Variants in CAMK2D observed in about 807,000 individuals in gnomAD.
CAMK2D encodes calcium/calmodulin-dependent protein kinase type II subunit delta.
Under a neutral mutation model 84.0 loss-of-function variants are expected in CAMK2D, and 37 were observed. The observed-to-expected ratio is 0.44, with a 90% CI of 0.34 to 0.58. The LOEUF is 0.58. CAMK2D is among the 20% of genes least tolerant of loss of function. The pLI, the probability that CAMK2D is intolerant of heterozygous loss-of-function variation, is 0.02. For missense variants in CAMK2D, 448 were observed against 652.5 expected (o/e 0.69, Z 3.41); for synonymous variants, 202 against 212.5 (o/e 0.95, Z 0.43).
intron 3 of CAMK2D, among the ~76,000 whole-genome samples, chr4:113,621,930 C>T (rs1375729856): frequency 6.6e-6 from 1 of 152,160 alleles, no homozygotes; most frequent in Non-Finnish European, 1.5e-5. Context: ...TAGGTTTTAA[C>T]TAAATGAACT....
intron 4 of CAMK2D, among the ~76,000 whole-genome samples, chr4:113,565,085 C>T (rs1413588346): frequency 6.6e-6 from 1 of 152,130 alleles, no homozygotes; most frequent in Non-Finnish European, 1.5e-5. Context: ...TAACATTTAA[C>T]CACAGGATGT....
intron 4 of CAMK2D, among the ~76,000 whole-genome samples, chr4:113,607,851 C>T (rs562227395): frequency 3.3e-5 from 5 of 152,306 alleles, no homozygotes; most frequent in Admixed American, 2.6e-4. Flanking sequence ...TTCTTAATAA[C>T]AAAATCACAA....
At chr4:113,548,036 G>C (rs1241064954) in intron 5 of CAMK2D, among the ~76,000 whole-genome samples, 1 of 152,122 alleles carries the variant, frequency 6.6e-6, no homozygotes. Flanking sequence ...AATCTTTATA[G>C]CTGTGGTGTT....
intron 20 of CAMK2D, 53 bp from the exon 21 acceptor site, chr4:113,454,568 C>T (rs371028503): frequency 5.2e-6 from 4 of 772,796 alleles, no homozygotes; most frequent in African/African-American, 3.4e-5. Context: ...TACAAAATAT[C>T]ATCAAATTGC....
chr4:113,642,466 C>G (rs1257442419), intron 3 of CAMK2D, among the ~76,000 whole-genome samples: 1 of 152,200 alleles, frequency 6.6e-6, no homozygotes, highest in Non-Finnish European at 1.5e-5. Flanking sequence ...GTCCACTCAC[C>G]TCCATTCCCT....
chr4:113,672,656 T>C (rs956111239), intron 2 of CAMK2D, among the ~76,000 whole-genome samples: 2 of 151,818 alleles, frequency 1.3e-5, no homozygotes, highest in East Asian at 1.9e-4. Flanking sequence ...ATCTTGCATC[T>C]ATATATTTTA....
At chr4:113,677,904 G>A (rs2099325415) in intron 2 of CAMK2D, among the ~76,000 whole-genome samples, 1 of 151,978 alleles carries the variant, frequency 6.6e-6, no homozygotes, top group Admixed American at 6.6e-5. Context: ...GCATAGGATA[G>A]TATCTAGTAG....
intron 3 of CAMK2D, among the ~76,000 whole-genome samples, chr4:113,643,234 TA>T (rs59899738): frequency 0.084 from 12,772 of 152,222 alleles, 1,550 homozygotes; most frequent in African/African-American, 0.27. Context: ...TAGAAAGGGA[TA>T]ATTCTGTCTT....
chr4:113,454,102 A>AC lies in CAMK2D; in HGVS notation c.*442_*443insG, dbSNP rs2097277270. ...TTTTTACCTTAAAAAAAAAAAAAAA[A>AC]ACCAAACAAACCAAAACAGATTAAC... On this transcript the variant is annotated 3_prime_UTR_variant, in exon 21 of 21. Transcript: ENST00000511664. 2 of 153,040 alleles carry AC rather than the reference A, an allele frequency of 1.3e-5. No homozygotes were observed. The highest frequency in any genetic ancestry group is 2.1e-4 in the South Asian group (1 of 4,818). The allele number at this position is 153,040 out of a possible 1,614,324, so 9.5% of individuals were successfully genotyped here.
chr4:113,690,303 C>A (rs1223078234), intron 2 of CAMK2D, among the ~76,000 whole-genome samples: 1 of 152,044 alleles, frequency 6.6e-6, no homozygotes, highest in Non-Finnish European at 1.5e-5. Flanking sequence ...GTCACAGGTC[C>A]ATAACTTCTA....
At chr4:113,474,607 C>T (rs545653584) in intron 16 of CAMK2D, among the ~76,000 whole-genome samples, 49 of 139,624 alleles carry the variant, frequency 3.5e-4, no homozygotes, top group Middle Eastern at 4.1e-3. Flanking sequence ...TTAGTCAAAA[C>T]GGAGCATATA....
intron 2 of CAMK2D, among the ~76,000 whole-genome samples, chr4:113,735,042 C>T (rs1344356940): frequency 6.6e-6 from 1 of 151,524 alleles, no homozygotes; most frequent in Non-Finnish European, 1.5e-5. Flanking sequence ...AAGTAAAACA[C>T]ACACAAACAA....
chr4:113,735,289 GAAAAAAAAAAA>G (rs769117708), intron 2 of CAMK2D, among the ~76,000 whole-genome samples: 181 of 44,752 alleles, frequency 4.0e-3, no homozygotes, highest in African/African-American at 1.0e-2. Context: ...ATCTCTACAG[GAAAAAAAAAAA>G]AAAAAAAAAA....
intron 2 of CAMK2D, among the ~76,000 whole-genome samples, chr4:113,738,644 T>C (rs1417381634): frequency 6.6e-6 from 1 of 152,108 alleles, no homozygotes; most frequent in African/African-American, 2.4e-5. Context: ...TGTCTATATA[T>C]GTATATATCT....
chr4:113,536,815 T>C (rs1275877776), intron 7 of CAMK2D, among the ~76,000 whole-genome samples: 1 of 152,220 alleles, frequency 6.6e-6, no homozygotes, highest in Non-Finnish European at 1.5e-5. Context: ...TCAGAATTTT[T>C]GAGAGGAAAC....
chr4:113,499,385 G>A (rs1017167397), intron 16 of CAMK2D, among the ~76,000 whole-genome samples: 5 of 152,282 alleles, frequency 3.3e-5, no homozygotes, highest in African/African-American at 1.2e-4. Context: ...AACAGCATCA[G>A]CTGTTCTATT....
chr4:113,486,335 G>A (rs944091927), intron 16 of CAMK2D, among the ~76,000 whole-genome samples: 2 of 151,912 alleles, frequency 1.3e-5, no homozygotes, highest in African/African-American at 4.8e-5. Context: ...ATATTGCCGA[G>A]GCTGGTCTCA....
chr4:113,740,591 C>G (rs2099590642), intron 2 of CAMK2D, among the ~76,000 whole-genome samples: 2 of 151,990 alleles, frequency 1.3e-5, no homozygotes, highest in Non-Finnish European at 2.9e-5. Context: ...TTAGTATACT[C>G]TACTTTTCCC....
chr4:113,730,335 A>G (rs2099562407), intron 2 of CAMK2D, among the ~76,000 whole-genome samples: 1 of 152,190 alleles, frequency 6.6e-6, no homozygotes, highest in South Asian at 2.1e-4. Flanking sequence ...AGTTTCTTCA[A>G]AATAATATGA....
Sources: gnomAD v4.1 joint callset for allele counts (sites outside exome capture counted in the v4.1 genomes callset) on GRCh38, gnomAD v4.1.1 for gene constraint, MANE v1.5 for transcripts, NCBI Gene and HGNC (gene_info 2026-07-23, HGNC 2026-07-21) for gene names.